ATRNL1: variants seen among roughly 807,000 people sequenced by gnomAD.
The protein encoded by ATRNL1 is attractin-like protein 1.
In ATRNL1, 95 loss-of-function variants were observed where a neutral mutation model predicts 182.7. The ratio of observed to expected loss-of-function variants is 0.52; its 90% CI spans 0.44 to 0.62. The LOEUF is 0.62. Ranked by LOEUF, ATRNL1 falls within the 20% of genes least tolerant of loss-of-function variation. ATRNL1 has a pLI of 0.00. For missense variants in ATRNL1, 1,471 were observed against 1,679.5 expected (o/e 0.88, Z 2.17); for synonymous variants, 576 against 568.3 (o/e 1.01, Z -0.19).
chr10:115,254,941 T>G (rs1163060324), intron 10 of ATRNL1, among the ~76,000 whole-genome samples: 7 of 152,066 alleles, frequency 4.6e-5, no homozygotes, highest in Admixed American at 4.6e-4. Context: ...AGATCAGATG[T>G]TTGTAGATGT....
At chr10:115,466,697 A>G (rs1353651349) in intron 22 of ATRNL1, among the ~76,000 whole-genome samples, 2 of 151,126 alleles carry the variant, frequency 1.3e-5, no homozygotes, top group Non-Finnish European at 1.5e-5. Flanking sequence ...GTTTTAGGTT[A>G]TGTTATTTTT....
At chr10:115,215,663 T>C (rs782168497) in intron 8 of ATRNL1, 34 bp from the exon 9 acceptor site, 19 of 1,491,056 alleles carry the variant, frequency 1.3e-5, no homozygotes, top group Admixed American at 2.4e-5. Context: ...AAAATACTAC[T>C]TGAAATTTAT....
intron 20 of ATRNL1, among the ~76,000 whole-genome samples, chr10:115,402,804 C>A (rs947545691): frequency 2.6e-4 from 40 of 152,168 alleles, no homozygotes; most frequent in African/African-American, 9.4e-4. Context: ...ACTGATCTTA[C>A]AACTTCTTCA....
intron 28 of ATRNL1, among the ~76,000 whole-genome samples, chr10:115,911,403 C>T (rs1952674103): frequency 1.3e-5 from 2 of 152,116 alleles, no homozygotes; most frequent in Admixed American, 6.5e-5. Flanking sequence ...CTGCAACCTC[C>T]ACCTCCTGTG....
chr10:115,169,512 C>T (rs1022140312), intron 7 of ATRNL1, among the ~76,000 whole-genome samples: 1 of 151,990 alleles, frequency 6.6e-6, no homozygotes, highest in African/African-American at 2.4e-5. Context: ...CCCAACCTAT[C>T]TTGATTACTT....
chr10:115,654,153 C>T (rs1355452638), intron 26 of ATRNL1, among the ~76,000 whole-genome samples: 1 of 151,876 alleles, frequency 6.6e-6, no homozygotes, highest in Non-Finnish European at 1.5e-5. Context: ...GAAGTGTTTT[C>T]CAGTTATTTG....
chr10:115,562,330 A>C (rs1030670999), intron 26 of ATRNL1, among the ~76,000 whole-genome samples: 2 of 152,174 alleles, frequency 1.3e-5, no homozygotes, highest in Non-Finnish European at 2.9e-5. Context: ...GGCCAGATGG[A>C]GAATGATTGT....
intron 28 of ATRNL1, among the ~76,000 whole-genome samples, chr10:115,928,741 G>C (rs1256607921): frequency 6.6e-6 from 1 of 151,790 alleles, no homozygotes; most frequent in Non-Finnish European, 1.5e-5. Context: ...TGTTCATATT[G>C]ATAATACAAA....
At chr10:115,675,581 G>A (rs1283824406) in intron 26 of ATRNL1, among the ~76,000 whole-genome samples, 1 of 151,892 alleles carries the variant, frequency 6.6e-6, no homozygotes, top group Non-Finnish European at 1.5e-5. Context: ...TATTTCTCTA[G>A]GCATGCTATC....
At chr10:115,505,650 T>C (rs1850073727) in intron 24 of ATRNL1, among the ~76,000 whole-genome samples, 1 of 151,628 alleles carries the variant, frequency 6.6e-6, no homozygotes, top group African/African-American at 2.4e-5. Flanking sequence ...TAGATGTAAA[T>C]GGAGAAAACA....
chr10:115,822,913 C>T (rs1257396634), intron 27 of ATRNL1, among the ~76,000 whole-genome samples: 1 of 152,142 alleles, frequency 6.6e-6, no homozygotes, highest in Non-Finnish European at 1.5e-5. Flanking sequence ...AAGGGGGACT[C>T]CTCCCTAACT....
chr10:115,118,671 C>T (rs1240360719), intron 1 of ATRNL1, among the ~76,000 whole-genome samples: 2 of 152,156 alleles, frequency 1.3e-5, no homozygotes, highest in African/African-American at 2.4e-5. Context: ...TTGTCCTCCT[C>T]TCCCCTTGAG....
At chr10:115,143,404 T>C (rs923994957) in intron 5 of ATRNL1, among the ~76,000 whole-genome samples, 1 of 149,254 alleles carries the variant, frequency 6.7e-6, no homozygotes, top group African/African-American at 2.6e-5. Flanking sequence ...CTTAAATCTT[T>C]CTTGGGATTT....
chr10:115,336,358 GTCTA>G (rs1855480995), intron 19 of ATRNL1, among the ~76,000 whole-genome samples: 2 of 152,130 alleles, frequency 1.3e-5, no homozygotes, highest in Admixed American at 1.3e-4. Context: ...AAAATTTAGG[GTCTA>G]CATACTAGAG....
intron 25 of ATRNL1, among the ~76,000 whole-genome samples, chr10:115,531,178 T>C (rs1554988144): frequency 6.6e-6 from 1 of 151,986 alleles, no homozygotes; most frequent in East Asian, 1.9e-4. Context: ...GTATTTCTAG[T>C]TCTAGATCCC....
chr10:115,634,312 T>C (rs909688852), intron 26 of ATRNL1, among the ~76,000 whole-genome samples: 4 of 152,160 alleles, frequency 2.6e-5, no homozygotes, highest in African/African-American at 9.6e-5. Flanking sequence ...TTCATTAGTG[T>C]CTATAATGGT....
chr10:115,094,205 G>A (rs1425574308), intron 1 of ATRNL1, among the ~76,000 whole-genome samples, 162 bp downstream of exon 1: 1 of 151,714 alleles, frequency 6.6e-6, no homozygotes, highest in Non-Finnish European at 1.5e-5. Context: ...TGGGGCCCGC[G>A]CCGCGCCCCC....
chr10:115,214,882 A>G (rs1384911948), intron 8 of ATRNL1, among the ~76,000 whole-genome samples: 1 of 152,160 alleles, frequency 6.6e-6, no homozygotes, highest in Non-Finnish European at 1.5e-5. Context: ...ATTAGTTACA[A>G]AAGTGTTAGA....
In ATRNL1 at chr10:115,834,209, C is replaced by T. The variant is rs568093948; in HGVS notation, c.3904-13668C>T. ...AGGCCTGTGAGTCTGAGGTTATATA[C>T]TCTTATTCTACTGGCATCCCATTAG... On this transcript the variant is annotated intron_variant, in intron 27 of 28. Transcript: ENST00000355044. 2.0e-5 allele frequency among the ~76,000 whole-genome samples: 3 copies of T among 152,306 alleles called. No homozygotes were observed. In the South Asian group the frequency reaches 6.2e-4, roughly 32 times the overall value.
Sources: allele counts gnomAD v4.1 joint callset (sites outside exome capture counted in the v4.1 genomes callset), GRCh38; gene constraint gnomAD v4.1.1; transcripts MANE v1.5; gene names NCBI Gene and HGNC (gene_info 2026-07-23, HGNC 2026-07-21).